Variants in PTGER4 observed in about 807,000 individuals in gnomAD.
PTGER4 encodes prostaglandin E2 receptor EP4 subtype.
PTGER4 carries 11 observed loss-of-function variants against 33.2 expected under a neutral mutation model. The observed-to-expected ratio is 0.33, with a 90% CI of 0.21 to 0.55. PTGER4 has a LOEUF of 0.55. PTGER4 is among the 20% of genes least tolerant of loss of function. The pLI, the probability that PTGER4 is intolerant of heterozygous loss-of-function variation, is 0.92. For synonymous variants in PTGER4, 275 were observed against 281.5 expected (o/e 0.98, Z 0.23); for missense variants, 481 against 650.2 (o/e 0.74, Z 2.83).
chr5:40,691,514 C>T lies in PTGER4; in HGVS notation c.868-265C>T, dbSNP rs1280926205. 6.6e-5 allele frequency among the ~76,000 whole-genome samples: 10 copies of T among 152,000 alleles called. No homozygotes were observed. Among genetic ancestry groups the T allele is most frequent in the Admixed American group, 6.6e-4 (10 of 15,262 alleles). ...TATTTTTAGTAGAGATGGGGTTTCGCCATGTTGGACAAGTTGGTCTCGGAC... is the reference window on the plus strand; with the variant it reads ...TATTTTTAGTAGAGATGGGGTTTCGTCATGTTGGACAAGTTGGTCTCGGAC... On this transcript the variant is annotated intron_variant, in intron 2 of 2. Coordinates refer to ENST00000302472, the MANE Select transcript of PTGER4 (RefSeq NM_000958.3). The surrounding 1 kb of genome is among the most constrained non-coding windows in gnomAD (Gnocchi z 4.2).
chr5:40,699,490 T>C, the PTGER4 span, among the ~76,000 whole-genome samples: 3 of 152,086 alleles, frequency 2.0e-5, no homozygotes, highest in Admixed American at 6.5e-5. Flanking sequence ...TGAAAATACT[T>C]CTCAACATTT....
the PTGER4 span, among the ~76,000 whole-genome samples, chr5:40,737,296 C>A: frequency 6.7e-6 from 1 of 149,746 alleles, no homozygotes. Context: ...TGAGGCTCCA[C>A]CTCAAAAAAA....
At chr5:40,723,096 T>C in the PTGER4 span, among the ~76,000 whole-genome samples, 3 of 152,006 alleles carry the variant, frequency 2.0e-5, no homozygotes, top group Admixed American at 2.0e-4. Flanking sequence ...CTAAGAAAAA[T>C]TCTTCTGCCT....
At chr5:40,690,082 G>C (rs909922674) in intron 2 of PTGER4, among the ~76,000 whole-genome samples, 22 of 152,128 alleles carry the variant, frequency 1.4e-4, no homozygotes, top group African/African-American at 5.1e-4. Context: ...GCTCACTCCT[G>C]TAATTTTAGC....
the PTGER4 span, among the ~76,000 whole-genome samples, chr5:40,734,314 T>TGAACAGACTGAACAGAC: frequency 1.3e-5 from 2 of 151,974 alleles, no homozygotes; most frequent in African/African-American, 4.8e-5. Flanking sequence ...CAACTTCAGT[T>TGAACAGACTGAACAGAC]TGGAACAGAC....
intron 2 of PTGER4, among the ~76,000 whole-genome samples, chr5:40,684,771 G>A (rs1181796551): frequency 2.6e-5 from 4 of 151,964 alleles, no homozygotes; most frequent in African/African-American, 9.7e-5. Flanking sequence ...AGATTTAGTG[G>A]GTAGGTGGTT....
intron 2 of PTGER4, among the ~76,000 whole-genome samples, chr5:40,682,897 T>G (rs959569506): frequency 6.6e-6 from 1 of 152,242 alleles, no homozygotes; most frequent in African/African-American, 2.4e-5. Flanking sequence ...TTAGTTCATC[T>G]TTTAAGAATT....
the PTGER4 span, among the ~76,000 whole-genome samples, chr5:40,733,121 G>C: frequency 6.6e-6 from 1 of 152,228 alleles, no homozygotes; most frequent in East Asian, 1.9e-4. Flanking sequence ...TTCATATATA[G>C]AAATTATAAG....
chr5:40,729,508 T>C, the PTGER4 span, among the ~76,000 whole-genome samples: 3 of 152,324 alleles, frequency 2.0e-5, no homozygotes, highest in South Asian at 6.2e-4. Context: ...TTTAAGCTAT[T>C]AATAAAATTG....
At chr5:40,734,519 T>A in the PTGER4 span, among the ~76,000 whole-genome samples, 1 of 152,064 alleles carries the variant, frequency 6.6e-6, no homozygotes, top group South Asian at 2.1e-4. Flanking sequence ...CAGGGCAGGA[T>A]GAGATAATGC....
chr5:40,712,186 A>G, the PTGER4 span, among the ~76,000 whole-genome samples: 1 of 152,158 alleles, frequency 6.6e-6, no homozygotes, highest in African/African-American at 2.4e-5. Flanking sequence ...ATTCCAACTC[A>G]GCAGACCTTT....
chr5:40,722,690 TGAG>T, the PTGER4 span, among the ~76,000 whole-genome samples: 1 of 150,410 alleles, frequency 6.6e-6, no homozygotes, highest in South Asian at 2.1e-4. Flanking sequence ...GTCTGGGAAG[TGAG>T]GAGCGTCTCC....
chr5:40,729,774 C>T, the PTGER4 span, among the ~76,000 whole-genome samples: 2 of 152,208 alleles, frequency 1.3e-5, no homozygotes, highest in African/African-American at 4.8e-5. Context: ...TCTCAGCTCA[C>T]TGCAACCTCC....
chr5:40,685,086 C>T (rs369942085), intron 2 of PTGER4, among the ~76,000 whole-genome samples: 10 of 152,210 alleles, frequency 6.6e-5, no homozygotes, highest in East Asian at 3.9e-4. Context: ...TATAGGGTTT[C>T]GAAGGTCATT....
At chr5:40,684,070 A>C (rs1408301679) in intron 2 of PTGER4, among the ~76,000 whole-genome samples, 1 of 151,798 alleles carries the variant, frequency 6.6e-6, no homozygotes, top group Non-Finnish European at 1.5e-5. Flanking sequence ...TAATTTCAGA[A>C]TCAGTTTAAT....
the PTGER4 span, among the ~76,000 whole-genome samples, chr5:40,733,293 G>C: frequency 6.6e-6 from 1 of 152,082 alleles, no homozygotes; most frequent in African/African-American, 2.4e-5. Context: ...CTAGAGCAAG[G>C]GGTGGCATAG....
Position 40,680,852 on chromosome 5 carries a change from C to G in PTGER4, c.-43-99C>G. Reference sequence around the variant, plus strand: ...CAGAAAGTAGGATCGAGTTGCTCCCCTTGTCTTATCAGTGTATCGTTTCTC... The same window carrying G: ...CAGAAAGTAGGATCGAGTTGCTCCCGTTGTCTTATCAGTGTATCGTTTCTC... On this transcript the variant is annotated intron_variant, in intron 1 of 2. Transcript: ENST00000302472. The surrounding 1 kb of genome is among the most constrained non-coding windows in gnomAD (Gnocchi z 5.5). The G allele has an allele frequency of 9.1e-7, 1 of 1,094,552 alleles. No individual in the cohort carries two copies. Among genetic ancestry groups the G allele is most frequent in the Non-Finnish European group, 1.3e-6 (1 of 764,492 alleles). The allele number at this position is 1,094,552 out of a possible 1,614,324, so 67.8% of individuals were successfully genotyped here. A position where few individuals can be genotyped will look rare whatever the true frequency, so the allele number is the denominator to read the frequency against.
chr5:40,697,270 GAA>G (rs1017834480), downstream of PTGER4, among the ~76,000 whole-genome samples: 2 of 123,232 alleles, frequency 1.6e-5, no homozygotes, highest in African/African-American at 5.4e-5. Context: ...AAGAAAGAAA[GAA>G]AGAAAGAAAG....
the PTGER4 span, chr5:40,746,783 A>AAT: frequency 6.3e-7 from 1 of 1,581,972 alleles, no homozygotes; most frequent in Non-Finnish European, 8.6e-7. Context: ...TAAAAAAAAA[A>AAT]CTTTAAATAC....
Sources: allele counts gnomAD v4.1 joint callset (sites outside exome capture counted in the v4.1 genomes callset), GRCh38; gene constraint gnomAD v4.1.1; non-coding constraint Gnocchi (gnomAD v3.1); transcripts MANE v1.5; gene names NCBI Gene and HGNC (gene_info 2026-07-23, HGNC 2026-07-21).